Variants in AUH observed in about 807,000 individuals in gnomAD.
AUH encodes AU RNA binding methylglutaconyl-CoA hydratase.
Under a neutral mutation model 42.3 loss-of-function variants are expected in AUH, and 29 were observed. That is an observed-to-expected ratio of 0.69 (90% CI 0.51 to 0.93). AUH has a LOEUF of 0.93. Ranked by LOEUF, AUH falls within the 40% of genes least tolerant of loss-of-function variation. The pLI is 0.00. For synonymous variants in AUH, 174 were observed against 166.4 expected (o/e 1.05, Z -0.35); for missense variants, 452 against 438.1 (o/e 1.03, Z -0.28).
At chr9:91,230,341 C>A (rs897342599) in intron 6 of AUH, among the ~76,000 whole-genome samples, 1 of 152,112 alleles carries the variant, frequency 6.6e-6, no homozygotes, top group Admixed American at 6.5e-5. Flanking sequence ...TCCAGTTGAT[C>A]GCAGCGGCTC....
At chr9:91,285,209 G>A (rs980760785) in intron 6 of AUH, among the ~76,000 whole-genome samples, 4 of 150,732 alleles carry the variant, frequency 2.7e-5, no homozygotes, top group African/African-American at 9.8e-5. Context: ...CTATTGCAAG[G>A]ACAAAAAACC....
chr9:91,231,875 C>T (rs2131293820), intron 6 of AUH, among the ~76,000 whole-genome samples: 1 of 152,198 alleles, frequency 6.6e-6, no homozygotes, highest in South Asian at 2.1e-4. Context: ...CATAGTACTA[C>T]AGAGTATGAG....
intron 6 of AUH, among the ~76,000 whole-genome samples, chr9:91,292,889 C>T (rs145373578): frequency 8.8e-4 from 134 of 152,230 alleles, no homozygotes; most frequent in African/African-American, 2.9e-3. Context: ...AGTCTATTGG[C>T]ACCATTTTTC....
chr9:91,232,687 C>T (rs1018259968), intron 6 of AUH, among the ~76,000 whole-genome samples: 3 of 152,196 alleles, frequency 2.0e-5, no homozygotes, highest in African/African-American at 7.2e-5. Flanking sequence ...CCTTCCCTTT[C>T]TAATGTGTGA....
At chr9:91,333,609 A>T (rs774705160) in intron 3 of AUH, among the ~76,000 whole-genome samples, 1 of 152,220 alleles carries the variant, frequency 6.6e-6, no homozygotes, top group Non-Finnish European at 1.5e-5. Context: ...AGTATTATTT[A>T]CTGCTAGAGT....
chr9:91,292,885 T>C (rs916589353), intron 6 of AUH, among the ~76,000 whole-genome samples: 11 of 152,188 alleles, frequency 7.2e-5, no homozygotes, highest in Admixed American at 3.9e-4. Context: ...AGCAAGTCTA[T>C]TGGCACCATT....
chr9:91,328,762 A>G (rs909708777), intron 3 of AUH, among the ~76,000 whole-genome samples: 3 of 152,262 alleles, frequency 2.0e-5, no homozygotes, highest in Non-Finnish European at 4.4e-5. Context: ...TTCATTCCTT[A>G]ACATCTTCAC....
chr9:91,358,850 C>T (rs991362356), intron 1 of AUH, among the ~76,000 whole-genome samples: 1 of 152,166 alleles, frequency 6.6e-6, no homozygotes, highest in Admixed American at 6.5e-5. Flanking sequence ...TATGTAACAA[C>T]TGTACCATCA....
At chr9:91,339,639 T>C (rs78170474) in intron 3 of AUH, among the ~76,000 whole-genome samples, 3,397 of 152,314 alleles carry the variant, frequency 0.022, 213 homozygotes, top group East Asian at 0.22. Flanking sequence ...AAGACACCCA[T>C]GTAACAGTGA....
chr9:91,232,205 C>T (rs1052521007), intron 6 of AUH, among the ~76,000 whole-genome samples: 1 of 152,026 alleles, frequency 6.6e-6, no homozygotes, highest in Non-Finnish European at 1.5e-5. Flanking sequence ...GCCAACGTAA[C>T]AAGACTCTGT....
At chr9:91,237,690 T>C (rs187618592) in intron 6 of AUH, among the ~76,000 whole-genome samples, 140 of 131,456 alleles carry the variant, frequency 1.1e-3, no homozygotes, top group African/African-American at 3.1e-3. Flanking sequence ...CTTTGACCAG[T>C]GAGGACTTAG....
chr9:91,295,149 T>C (rs893201945), intron 6 of AUH, among the ~76,000 whole-genome samples: 2 of 152,194 alleles, frequency 1.3e-5, no homozygotes, highest in Non-Finnish European at 2.9e-5. Context: ...ACGTAAGACA[T>C]GCCTTTGCTC....
chr9:91,270,612 A>C (rs1825043490), intron 6 of AUH, among the ~76,000 whole-genome samples: 1 of 152,046 alleles, frequency 6.6e-6, no homozygotes, highest in Non-Finnish European at 1.5e-5. Context: ...GTAGAGCAAA[A>C]AGGGAATAAA....
intron 6 of AUH, 88 bp from the exon 7 acceptor site, chr9:91,221,080 A>G: frequency 2.1e-6 from 3 of 1,437,714 alleles, no homozygotes; most frequent in Non-Finnish European, 1.9e-6. Context: ...TTATAAAAAT[A>G]AACCAGGGCC....
chr9:91,361,782 C>G lies in AUH; in HGVS notation c.108G>C (p.Leu36=). 6.5e-7 allele frequency: 1 copy of G among 1,543,442 alleles called. No individual in the cohort carries two copies. Among genetic ancestry groups the G allele is most frequent in the Non-Finnish European group, 8.7e-7 (1 of 1,145,922 alleles). Residue 36 remains leucine, a synonymous_variant, in exon 1 of 10, where the codon CTG becomes CTC. Coordinates refer to ENST00000375731, the MANE Select transcript of AUH (RefSeq NM_001698.3). Reference sequence around the variant, plus strand: ...CTCGCCGGCCTGCCAACGAGCCGGGCAGCCTCAACCCCGGGCAGAGCCACG... The same window carrying G: ...CTCGCCGGCCTGCCAACGAGCCGGGGAGCCTCAACCCCGGGCAGAGCCACG... ...CSAWLCPGLR[L]PGSLAGRRAG...
At chr9:91,282,054 G>C (rs1177690864) in intron 6 of AUH, among the ~76,000 whole-genome samples, 1 of 152,112 alleles carries the variant, frequency 6.6e-6, no homozygotes, top group African/African-American at 2.4e-5. Flanking sequence ...AAGACCTCTA[G>C]ATCTGACTCC....
chr9:91,246,007 A>G (rs899705913), intron 6 of AUH, among the ~76,000 whole-genome samples: 7 of 152,194 alleles, frequency 4.6e-5, no homozygotes, highest in Non-Finnish European at 7.3e-5. Flanking sequence ...CTGGGAAACC[A>G]TATTAAGCAA....
chr9:91,359,735 GGA>G (rs1832706340), intron 1 of AUH, among the ~76,000 whole-genome samples: 1 of 152,088 alleles, frequency 6.6e-6, no homozygotes, highest in African/African-American at 2.4e-5. Context: ...CCTGTGACTA[GGA>G]GAGTTATCCT....
chr9:91,303,280 T>C (rs1264678340), intron 4 of AUH, among the ~76,000 whole-genome samples: 1 of 152,146 alleles, frequency 6.6e-6, no homozygotes, highest in Non-Finnish European at 1.5e-5. Flanking sequence ...TTGATGCTTC[T>C]AGAAAAATAT....
Sources: allele counts gnomAD v4.1 joint callset (sites outside exome capture counted in the v4.1 genomes callset), GRCh38; gene constraint gnomAD v4.1.1; transcripts MANE v1.5; gene names NCBI Gene and HGNC (gene_info 2026-07-23, HGNC 2026-07-21).